SH2D3C: variants seen among roughly 807,000 people sequenced by gnomAD.
SH2D3C encodes the protein SH2 domain containing 3C.
SH2D3C carries 25 observed loss-of-function variants against 75.2 expected under a neutral mutation model. The ratio of observed to expected loss-of-function variants is 0.33; its 90% CI spans 0.24 to 0.46. The LOEUF is 0.46. SH2D3C is among the 20% of genes least tolerant of loss of function. The pLI, the probability that SH2D3C is intolerant of heterozygous loss-of-function variation, is 1.00. For synonymous variants in SH2D3C, 450 were observed against 473.7 expected, an observed-to-expected ratio of 0.95 and a Z score of 0.65; for missense variants, 933 against 1,165.3, an observed-to-expected ratio of 0.80 and a Z score of 2.90.
At chr9:127,766,295 C>A (rs1441262751) in intron 2 of SH2D3C, among the ~76,000 whole-genome samples, 1 of 152,280 alleles carries the variant, frequency 6.6e-6, no homozygotes, top group Admixed American at 6.5e-5. Flanking sequence ...CCTCCCCAAC[C>A]TCTGCCACCT....
intron 3 of SH2D3C, among the ~76,000 whole-genome samples, chr9:127,755,668 G>A (rs923465465): frequency 2.6e-5 from 4 of 152,236 alleles, no homozygotes; most frequent in Non-Finnish European, 4.4e-5. Flanking sequence ...CCAGAGCCCA[G>A]GATTTCTCAT....
chr9:127,771,470 G>T, intron 2 of SH2D3C: 1 of 936,858 alleles, frequency 1.1e-6, no homozygotes, highest in Non-Finnish European at 1.5e-6. Context: ...GTCTCGCTCC[G>T]CCCCCTCCCC....
chr9:127,770,123 G>A (rs1588524281), intron 2 of SH2D3C, among the ~76,000 whole-genome samples: 1 of 152,266 alleles, frequency 6.6e-6, no homozygotes, highest in East Asian at 1.9e-4. Context: ...GGGAGGTAGG[G>A]GGCAGGCTAG....
intron 1 of SH2D3C, among the ~76,000 whole-genome samples, chr9:127,776,303 G>A (rs1177012112): frequency 2.6e-5 from 4 of 151,956 alleles, no homozygotes. Flanking sequence ...TGGAGCAGGT[G>A]TGCGTGTTTT....
intron 2 of SH2D3C, among the ~76,000 whole-genome samples, chr9:127,765,317 T>C (rs1162009303): frequency 6.6e-6 from 1 of 152,214 alleles, no homozygotes; most frequent in Non-Finnish European, 1.5e-5. Context: ...TAGCACGCAT[T>C]TCCTCTCATG....
chr9:127,749,474 G>A lies in SH2D3C; in HGVS notation c.876C>T (p.His292=), dbSNP rs199946039. ...QYLFEQESFD[H]VPALVRYHVG... is the part of the protein sequence containing the mutation. ...CATGATAGCGCACGAGGGCGGGCAC[G>A]TGGTCAAAGCTCTCCTGCTCAAACA... is the stretch of plus-strand genomic sequence containing the variant. The change falls in exon 5 of 12, where the codon CAC becomes CAT. Residue 292 remains histidine, a synonymous_variant. Coordinates refer to ENST00000314830, the MANE Select transcript of SH2D3C (RefSeq NM_170600.3). This position sits in a 1 kb window ranked among gnomAD's most constrained non-coding sequence, Gnocchi z 5.9. The A allele has an allele frequency of 1.5e-5, 25 of 1,614,190 alleles. No individual in the cohort carries two copies. In the East Asian group the frequency reaches 2.0e-4, roughly 13 times the overall value.
chr9:127,757,038 T>C (rs1845400506), intron 3 of SH2D3C, among the ~76,000 whole-genome samples: 1 of 151,568 alleles, frequency 6.6e-6, no homozygotes, highest in Non-Finnish European at 1.5e-5. Context: ...CAAGCAATTC[T>C]CCTGCCTCAG....
chr9:127,757,994 A>G (rs1026821273), intron 3 of SH2D3C, among the ~76,000 whole-genome samples: 1 of 151,986 alleles, frequency 6.6e-6, no homozygotes, highest in Admixed American at 6.6e-5. Context: ...GGTTTTCACT[A>G]TCTTGGCCAG....
rs753900571 is a variant in SH2D3C at position 127,747,281 on chromosome 9, A to G, written c.1140-10T>C. On this transcript the variant is annotated splice_polypyrimidine_tract_variant and intron_variant, in intron 5 of 11. Transcript: ENST00000314830. ...GCGGGGCAGCGACGTACTGTGGAGC[A>G]GACACCATCATGGGCAGGGAGCCCG... The G allele has an allele frequency of 1.2e-6, 2 of 1,610,450 alleles. No individual in the cohort carries two copies. The highest frequency in any genetic ancestry group is 1.3e-5 in the African/African-American group (1 of 74,904).
At chr9:127,740,857 A>G (rs1315814568) in intron 9 of SH2D3C, among the ~76,000 whole-genome samples, 1 of 151,854 alleles carries the variant, frequency 6.6e-6, no homozygotes, top group Non-Finnish European at 1.5e-5. Flanking sequence ...ATTTGTTTGT[A>G]TTTTTAGTAG....
At chr9:127,747,009 G>A (rs948469085) in intron 6 of SH2D3C, 138 bp downstream of exon 6, 32 of 760,498 alleles carry the variant, frequency 4.2e-5, no homozygotes, top group Non-Finnish European at 6.1e-5. Context: ...CTGTTAGCAG[G>A]ATTCCAGTGT....
intron 10 of SH2D3C, 129 bp from the exon 11 acceptor site, chr9:127,740,017 G>A: frequency 1.1e-6 from 1 of 911,340 alleles, no homozygotes; most frequent in Non-Finnish European, 1.6e-6. Flanking sequence ...AAGGGCTCCT[G>A]ACTCCTGGGA....
intron 3 of SH2D3C, chr9:127,755,146 C>A (rs1845337618): frequency 8.2e-7 from 1 of 1,219,408 alleles, no homozygotes; most frequent in Non-Finnish European, 1.0e-6. Context: ...CCACAGGCTG[C>A]ACCGCTCGGT....
At position 127,739,764 on chromosome 9, in the gene SH2D3C, C is replaced by A; in HGVS notation, c.2325G>T (p.Val775=). ...GGGCGGCCTCCAGGTGAGCCAGCAC[C>A]ACCTCCACGCCGTGCTCCGTGCTGC... ...PWGSTEHGVE[V]VLAHLEAART... is the part of the protein sequence containing the mutation. The change falls in exon 11 of 12, where the codon GTG becomes GTT. Residue 775 remains valine (V), a synonymous_variant. Coordinates refer to ENST00000314830, the MANE Select transcript of SH2D3C (RefSeq NM_170600.3). This position sits in a 1 kb window ranked among gnomAD's most constrained non-coding sequence, Gnocchi z 4.3. The A allele has an allele frequency of 6.2e-7, 1 of 1,607,378 alleles. No individual in the cohort carries two copies. The highest frequency in any genetic ancestry group is 2.2e-5 in the East Asian group (1 of 44,686).
rs755369963 is a variant in SH2D3C at position 127,747,131 on chromosome 9, C to G, written c.1264+16G>C. The G allele has an allele frequency of 1.6e-5, 25 of 1,610,780 alleles. No homozygotes were observed. The African/African-American group carries it at 2.3e-4, about 15-fold the overall frequency. The stretch of plus-strand genomic sequence containing the variant: ...CAGATTCCCTCCACCTGCTCCACCC[C>G]CTCTGCTGGCCATACCAGTGCTGTA... On this transcript the variant is annotated intron_variant, in intron 6 of 11. Coordinates refer to ENST00000314830, the MANE Select transcript of SH2D3C (RefSeq NM_170600.3).
chr9:127,767,087 T>G, intron 2 of SH2D3C: 1 of 1,536,212 alleles, frequency 6.5e-7, no homozygotes. Flanking sequence ...GCCACCATTG[T>G]GCCCAGCACA....
intron 1 of SH2D3C, among the ~76,000 whole-genome samples, chr9:127,775,036 C>T (rs565917501): frequency 2.0e-5 from 3 of 151,780 alleles, no homozygotes; most frequent in Admixed American, 6.6e-5. Context: ...TGCAGTGAGC[C>T]GAGACTGCAC....
At chr9:127,755,098 C>T in intron 3 of SH2D3C, 8 of 1,214,932 alleles carry the variant, frequency 6.6e-6, no homozygotes, top group Non-Finnish European at 8.2e-6. Flanking sequence ...CACGAAGGAG[C>T]CGCGGTAGAA....
In SH2D3C at chr9:127,754,044, G is replaced by C. The variant is rs1845280123; in HGVS notation, c.556-2744C>G. On this transcript the variant is annotated intron_variant, in intron 3 of 11. Transcript: ENST00000314830. The surrounding 1 kb of genome is among the most constrained non-coding windows in gnomAD (Gnocchi z 4.4). ...CAACTTGGTCCTCCCACACACCTGA[G>C]GGTGAGGAATCCTAGGGTCCCTGTG... 6.6e-6 allele frequency among the ~76,000 whole-genome samples: 1 copy of C among 152,158 alleles called. No individual in the cohort carries two copies. Among genetic ancestry groups the C allele is most frequent in the Non-Finnish European group, 1.5e-5 (1 of 68,000 alleles).
Sources: gnomAD v4.1 joint callset for allele counts (sites outside exome capture counted in the v4.1 genomes callset) on GRCh38, gnomAD v4.1.1 for gene constraint, Gnocchi (gnomAD v3.1) non-coding constraint, MANE v1.5 for transcripts, NCBI Gene and HGNC (gene_info 2026-07-23, HGNC 2026-07-21) for gene names.